Variants in CDK5RAP2 observed in about 807,000 individuals in gnomAD.
The protein encoded by CDK5RAP2 is CDK5 regulatory subunit-associated protein 2.
Under a neutral mutation model 232.9 loss-of-function variants are expected in CDK5RAP2, and 147 were observed. The ratio of observed to expected loss-of-function variants is 0.63; its 90% CI spans 0.55 to 0.72. The LOEUF is 0.72. Among genes scored for constraint, CDK5RAP2 ranks in the 30% least tolerant of loss-of-function variants. CDK5RAP2 has a pLI of 0.00. For missense variants in CDK5RAP2, 2,195 were observed against 2,231.5 expected (o/e 0.98, Z 0.33); for synonymous variants, 833 against 833.7 (o/e 1.00, Z 0.01).
chr9:120,468,936 A>C (rs904906953), intron 17 of CDK5RAP2, among the ~76,000 whole-genome samples: 1 of 152,212 alleles, frequency 6.6e-6, no homozygotes, highest in Non-Finnish European at 1.5e-5. Context: ...ATATATCAAA[A>C]TATGAAAAAA....
chr9:120,463,027 T>G (rs1306048747), intron 18 of CDK5RAP2, among the ~76,000 whole-genome samples: 1 of 152,134 alleles, frequency 6.6e-6, no homozygotes, highest in Non-Finnish European at 1.5e-5. Flanking sequence ...TGTGTCTGAA[T>G]TTTTTCATAA....
intron 14 of CDK5RAP2, among the ~76,000 whole-genome samples, chr9:120,477,872 A>C (rs1408436367): frequency 6.6e-6 from 1 of 152,202 alleles, no homozygotes; most frequent in Non-Finnish European, 1.5e-5. Flanking sequence ...CTAGGGATTT[A>C]GTTACAGTCA....
At chr9:120,473,152 T>C (rs1431904369) in intron 15 of CDK5RAP2, among the ~76,000 whole-genome samples, 2 of 152,256 alleles carry the variant, frequency 1.3e-5, no homozygotes, top group Non-Finnish European at 2.9e-5. Flanking sequence ...ACATCCAGGT[T>C]ATTTTCTTAA....
At position 120,400,839 on chromosome 9, in the gene CDK5RAP2, G is replaced by A. The variant is rs751971032; in HGVS notation, c.5354C>T (p.Thr1785Met). The part of the protein sequence containing the change: ...PLSKFVSSVS[T>M]AKLTLEEAYR... Reference sequence around the variant, plus strand: ...GGCCTCTTCCAGGGTCAGCTTGGCCGTGCTCACACTGCTCACAAACTTGCT... The same window carrying A: ...GGCCTCTTCCAGGGTCAGCTTGGCCATGCTCACACTGCTCACAAACTTGCT... Residue 1785 changes from threonine (T) to methionine (M), a missense_variant, in exon 35 of 38, where the codon ACG (threonine) becomes ATG (methionine). Coordinates refer to ENST00000349780, the MANE Select transcript of CDK5RAP2 (RefSeq NM_018249.6). The A allele has an allele frequency of 3.0e-5, 48 of 1,614,034 alleles. No homozygotes were observed. The Admixed American group carries it at 3.5e-4, about 12-fold the overall frequency.
At chr9:120,575,439 G>A (rs1451229033) in intron 1 of CDK5RAP2, among the ~76,000 whole-genome samples, 1 of 152,100 alleles carries the variant, frequency 6.6e-6, no homozygotes, top group Non-Finnish European at 1.5e-5. Flanking sequence ...TTGCTCTATT[G>A]CTACCGAAAA....
chr9:120,400,774 C>G lies in CDK5RAP2; in HGVS notation c.5419G>C (p.Glu1807Gln). ...LKLLWRVSLP[E>Q]DGQCPLHCEQ... The stretch of plus-strand genomic sequence containing the variant: ...CAGTGAAGGGGGCACTGGCCATCCT[C>G]GGGGAGTGAGACTCTCCAGAGAAGC... Residue 1807 changes from glutamate (E) to glutamine (Q), a missense_variant, in exon 35 of 38, where the codon GAG (glutamate) becomes CAG (glutamine). By Grantham distance (29) the Glu-to-Gln change is conservative. Transcript: ENST00000349780. The G allele has an allele frequency of 6.2e-7, 1 of 1,613,988 alleles. No individual in the cohort carries two copies. Among genetic ancestry groups the G allele is most frequent in the East Asian group, 2.2e-5 (1 of 44,880 alleles).
intron 25 of CDK5RAP2, among the ~76,000 whole-genome samples, chr9:120,427,920 T>A (rs2035022079): frequency 1.3e-5 from 2 of 152,110 alleles, no homozygotes; most frequent in Admixed American, 1.3e-4. Flanking sequence ...CAGACCACAG[T>A]GAAATCAAAC....
At chr9:120,411,504 T>A in intron 28 of CDK5RAP2, 30 bp from the exon 29 acceptor site, 1 of 1,201,940 alleles carries the variant, frequency 8.3e-7, no homozygotes, top group Non-Finnish European at 1.2e-6. Context: ...AACTGATTTA[T>A]AAACAGTCTC....
chr9:120,430,621 A>G (rs1432898620), intron 25 of CDK5RAP2, among the ~76,000 whole-genome samples: 39 of 152,150 alleles, frequency 2.6e-4, no homozygotes, highest in Admixed American at 7.9e-4. Context: ...AACAGGTGCT[A>G]GAGAGGATGT....
chr9:120,494,615 TAAAC>T (rs1047341844), intron 12 of CDK5RAP2, among the ~76,000 whole-genome samples: 4 of 148,566 alleles, frequency 2.7e-5, no homozygotes, highest in Admixed American at 6.6e-5. Context: ...AAATAACTAA[TAAAC>T]AAATGCAGGA....
chr9:120,557,890 C>T (rs1343368968), intron 3 of CDK5RAP2, among the ~76,000 whole-genome samples: 1 of 149,124 alleles, frequency 6.7e-6, no homozygotes, highest in South Asian at 2.1e-4. Flanking sequence ...TTCAGCCTCC[C>T]GAGCAGCTGG....
intron 22 of CDK5RAP2, among the ~76,000 whole-genome samples, chr9:120,445,109 T>C (rs188611254): frequency 2.6e-5 from 4 of 152,300 alleles, no homozygotes; most frequent in Non-Finnish European, 5.9e-5. Flanking sequence ...TCTCTGAACA[T>C]TCATCTCTCC....
intron 12 of CDK5RAP2, among the ~76,000 whole-genome samples, chr9:120,507,938 AAAAAAT>A (rs1178112612): frequency 1.2e-3 from 45 of 38,296 alleles, no homozygotes; most frequent in Non-Finnish European, 1.6e-3. Flanking sequence ...AAAAAAAAAA[AAAAAAT>A]ATATATATAT....
At chr9:120,402,501 A>G (rs2033110566) in intron 34 of CDK5RAP2, among the ~76,000 whole-genome samples, 1 of 152,214 alleles carries the variant, frequency 6.6e-6, no homozygotes, top group Admixed American at 6.5e-5. Context: ...ATGAATGGAC[A>G]GACACACCAG....
Position 120,425,934 on chromosome 9 carries a change from G to A in CDK5RAP2, c.3956-3193C>T, listed in dbSNP as rs545125881. Among the ~76,000 whole-genome samples the A allele has an allele frequency of 4.6e-5, 7 of 152,330 alleles. No individual in the cohort carries two copies. The Middle Eastern group carries it at 0.01, about 222-fold the overall frequency. ...GCACTACACACTGTGATAAGGGGCC[G>A]CAACAGATGCTGTGGGAAGGCACAC... On this transcript the variant is annotated intron_variant, in intron 25 of 37. Transcript: ENST00000349780.
In CDK5RAP2 at chr9:120,471,847, T is replaced by G. The variant is rs1395646757; in HGVS notation, c.1759A>C (p.Ile587Leu). 6.2e-7 allele frequency: 1 copy of G among 1,614,106 alleles called. No individual in the cohort carries two copies. The highest frequency in any genetic ancestry group is 1.7e-5 in the Admixed American group (1 of 60,018). ...TCCAGTTGCTTCCGCAGGGCAAAAA[T>G]CTTGTTTAACTCAGCCTGCAGGTTG... is the stretch of plus-strand genomic sequence containing the variant. ...INNLQAELNK[I>L]FALRKQLEQD... Residue 587 changes from isoleucine (I) to leucine (L), a missense_variant, in exon 16 of 38, where the codon ATT becomes CTT. Coordinates refer to ENST00000349780, the MANE Select transcript of CDK5RAP2 (RefSeq NM_018249.6).
At chr9:120,555,141 G>T (rs1392478552) in intron 3 of CDK5RAP2, among the ~76,000 whole-genome samples, 1 of 150,138 alleles carries the variant, frequency 6.7e-6, no homozygotes, top group Admixed American at 6.7e-5. Context: ...TTTTTGGGGG[G>T]GGGTGGGGGG....
chr9:120,432,333 T>C (rs2035331136), intron 25 of CDK5RAP2, among the ~76,000 whole-genome samples: 1 of 152,242 alleles, frequency 6.6e-6, no homozygotes, highest in Admixed American at 6.5e-5. Context: ...TCTGGGCATA[T>C]ATACTCCAGG....
chr9:120,460,699 A>T (rs1393020802), intron 18 of CDK5RAP2, 32 bp from the exon 19 acceptor site: 1 of 1,613,774 alleles, frequency 6.2e-7, no homozygotes, highest in Non-Finnish European at 8.5e-7. Context: ...GTGAAAATGC[A>T]ACCCAAAAAA....
Sources: allele counts gnomAD v4.1 joint callset (sites outside exome capture counted in the v4.1 genomes callset), GRCh38; gene constraint gnomAD v4.1.1; transcripts MANE v1.5; gene names NCBI Gene and HGNC (gene_info 2026-07-23, HGNC 2026-07-21).